PRELID2: variants seen among roughly 807,000 people sequenced by gnomAD.
The protein encoded by PRELID2 is PRELI domain containing 2.
Under a neutral mutation model 28.4 loss-of-function variants are expected in PRELID2, and 25 were observed. The ratio of observed to expected loss-of-function variants is 0.88; its 90% CI spans 0.64 to 1.23. The LOEUF (loss-of-function observed/expected upper bound fraction) is 1.23. Among genes scored for constraint, PRELID2 ranks in the 50% most tolerant of loss-of-function variants. PRELID2 has a pLI of 0.00. For missense variants in PRELID2, 201 were observed against 214.4 expected (o/e 0.94, Z 0.39); for synonymous variants, 76 against 71.6 (o/e 1.06, Z -0.31).
the PRELID2 span, among the ~76,000 whole-genome samples, chr5:145,375,510 G>T: frequency 1.2e-4 from 18 of 152,232 alleles, 1 homozygote; most frequent in East Asian, 3.5e-3. Flanking sequence ...GGTGGAGAGG[G>T]TGTGCTTTGC....
the PRELID2 span, among the ~76,000 whole-genome samples, chr5:145,231,776 C>T: frequency 1.4e-4 from 21 of 152,118 alleles, no homozygotes; most frequent in African/African-American, 5.1e-4. Flanking sequence ...CTAAACTATT[C>T]CCTGGATGGA....
At chr5:145,764,819 A>G in intron 6 of PRELID2, 112 bp downstream of exon 6, 1 of 729,644 alleles carries the variant, frequency 1.4e-6, no homozygotes, top group East Asian at 2.6e-5. Flanking sequence ...TGTGCATATA[A>G]CTGGGAAATG....
the PRELID2 span, among the ~76,000 whole-genome samples, chr5:145,270,980 G>C: frequency 1.3e-5 from 2 of 152,116 alleles, no homozygotes; most frequent in Non-Finnish European, 2.9e-5. Context: ...GAAGGCAAAG[G>C]GGAAGCAAGG....
chr5:145,616,214 GC>G (rs1172240385), intron 1 of PRELID2, among the ~76,000 whole-genome samples: 1 of 152,126 alleles, frequency 6.6e-6, no homozygotes, highest in Admixed American at 6.5e-5. Context: ...ATGACAATGT[GC>G]CTAGGTGATG....
chr5:145,376,006 C>T, the PRELID2 span, among the ~76,000 whole-genome samples: 14 of 152,194 alleles, frequency 9.2e-5, no homozygotes, highest in East Asian at 1.9e-3. Context: ...CAGCTTTTGC[C>T]GTTCAGTATG....
At chr5:145,801,716 A>C (rs1033226595) in intron 4 of PRELID2, among the ~76,000 whole-genome samples, 1 of 152,196 alleles carries the variant, frequency 6.6e-6, no homozygotes, top group Non-Finnish European at 1.5e-5. Flanking sequence ...TCACCTCAAA[A>C]TCCTAGTCTT....
chr5:145,591,825 C>A lies in PRELID2; in HGVS notation n.71-118510G>T, dbSNP rs558681822. Among the ~76,000 whole-genome samples the A allele has an allele frequency of 7.2e-5, 11 of 152,180 alleles. No homozygotes were observed. In the South Asian group the frequency reaches 2.3e-3, roughly 32 times the overall value. Reference sequence around the variant, plus strand: ...TTTGACTTGCATACTTAAAACCTTTCCCTGGATCTGATTTGATTCTGAAAT... The same window carrying A: ...TTTGACTTGCATACTTAAAACCTTTACCTGGATCTGATTTGATTCTGAAAT... On this transcript the variant is annotated intron_variant and non_coding_transcript_variant, in intron 1 of 2. Transcript: ENST00000510259.
At chr5:145,595,761 G>A (rs1157287977) in intron 1 of PRELID2, among the ~76,000 whole-genome samples, 1 of 152,074 alleles carries the variant, frequency 6.6e-6, no homozygotes, top group Non-Finnish European at 1.5e-5. Context: ...TTCCTCTTTT[G>A]AATAAGTTGT....
At chr5:145,822,510 C>T (rs780726519) in intron 2 of PRELID2, among the ~76,000 whole-genome samples, 1 of 152,124 alleles carries the variant, frequency 6.6e-6, no homozygotes, top group Non-Finnish European at 1.5e-5. Context: ...TTGTCAACTC[C>T]TGATTTAGTC....
At chr5:145,536,399 C>T (rs946531742) in intron 1 of PRELID2, among the ~76,000 whole-genome samples, 1 of 151,918 alleles carries the variant, frequency 6.6e-6, no homozygotes, top group African/African-American at 2.4e-5. Context: ...TGATTTTGCT[C>T]ATTTGTATAC....
intron 2 of PRELID2, among the ~76,000 whole-genome samples, chr5:145,822,185 T>C (rs1233507425): frequency 2.0e-5 from 3 of 152,178 alleles, no homozygotes; most frequent in Non-Finnish European, 4.4e-5. Flanking sequence ...CTTTGTACAT[T>C]GACTATGTGC....
chr5:145,237,011 G>A, the PRELID2 span, among the ~76,000 whole-genome samples: 1 of 152,280 alleles, frequency 6.6e-6, no homozygotes, highest in Non-Finnish European at 1.5e-5. Flanking sequence ...TTCACCAGAA[G>A]AATGTGAGGA....
At chr5:145,734,981 T>G (rs889635160) in intron 1 of PRELID2, among the ~76,000 whole-genome samples, 3 of 152,174 alleles carry the variant, frequency 2.0e-5, no homozygotes, top group South Asian at 2.1e-4. Context: ...GCGCAGTGGC[T>G]CATGCCTGTA....
chr5:145,495,882 C>T (rs1752305957), intron 1 of PRELID2, among the ~76,000 whole-genome samples: 1 of 152,130 alleles, frequency 6.6e-6, no homozygotes, highest in South Asian at 2.1e-4. Flanking sequence ...TGCTCTACCT[C>T]ATTGAATAAA....
At chr5:145,456,829 G>A in the PRELID2 span, among the ~76,000 whole-genome samples, 1 of 152,092 alleles carries the variant, frequency 6.6e-6, no homozygotes, top group East Asian at 1.9e-4. Context: ...TTTACTTCGA[G>A]TTATGAGCTC....
At chr5:145,600,175 T>C (rs1477695873) in intron 1 of PRELID2, among the ~76,000 whole-genome samples, 1 of 146,386 alleles carries the variant, frequency 6.8e-6, no homozygotes, top group Non-Finnish European at 1.5e-5. Flanking sequence ...ATTCAATAAT[T>C]CTTATTTTTA....
chr5:145,559,274 G>A (rs921920797), intron 1 of PRELID2, among the ~76,000 whole-genome samples: 3 of 151,174 alleles, frequency 2.0e-5, no homozygotes, highest in East Asian at 1.9e-4. Flanking sequence ...AAAAAAAAGC[G>A]TTTTGGGAAA....
chr5:145,464,360 T>G, the PRELID2 span, among the ~76,000 whole-genome samples: 1 of 152,200 alleles, frequency 6.6e-6, no homozygotes, highest in Non-Finnish European at 1.5e-5. Flanking sequence ...AATTTTGTTA[T>G]GACAATAGAA....
chr5:145,297,388 G>A, the PRELID2 span, among the ~76,000 whole-genome samples: 1 of 151,918 alleles, frequency 6.6e-6, no homozygotes, highest in South Asian at 2.1e-4. Flanking sequence ...CTCAATAGAT[G>A]CAGAAAAGGC....
Sources: gnomAD v4.1 joint callset for allele counts (sites outside exome capture counted in the v4.1 genomes callset) on GRCh38, gnomAD v4.1.1 for gene constraint, MANE v1.5 for transcripts, NCBI Gene and HGNC (gene_info 2026-07-23, HGNC 2026-07-21) for gene names.